Variants in KHDRBS3 observed in about 807,000 individuals in gnomAD.
KHDRBS3 encodes KH domain-containing, RNA-binding, signal transduction-associated protein 3.
In KHDRBS3, 23 loss-of-function variants were observed where a neutral mutation model predicts 45.6. The observed-to-expected ratio is 0.50, with a 90% CI of 0.36 to 0.72. The LOEUF is 0.72. Among genes scored for constraint, KHDRBS3 ranks in the 30% least tolerant of loss-of-function variants. KHDRBS3 has a pLI of 0.00. For synonymous variants in KHDRBS3, 162 were observed against 156.5 expected (o/e 1.04, Z -0.26); for missense variants, 352 against 424.8 (o/e 0.83, Z 1.51).
chr8:135,638,847 G>C (rs1830929453), intron 7 of KHDRBS3, among the ~76,000 whole-genome samples: 1 of 134,766 alleles, frequency 7.4e-6, no homozygotes, highest in South Asian at 2.8e-4. Flanking sequence ...GCTACTCCCA[G>C]CTACTCGGAC....
At chr8:135,524,024 T>TC (rs1278474662) in intron 2 of KHDRBS3, among the ~76,000 whole-genome samples, 2 of 137,410 alleles carry the variant, frequency 1.5e-5, no homozygotes, top group African/African-American at 6.8e-5. Context: ...ACTTATACTA[T>TC]TTTTTTTTTG....
At position 135,582,058 on chromosome 8, in the gene KHDRBS3, G is replaced by A; in HGVS notation, c.792G>A (p.Glu264=). ...YRPPPPPPTQ[E]TYGEYDYDDG... ...CTCCACCGCCACCCCCGACACAAGAGACTTATGGAGAATATGTAAGTGAAG... is the reference window on the plus strand; with the variant it reads ...CTCCACCGCCACCCCCGACACAAGAAACTTATGGAGAATATGTAAGTGAAG... Residue 264 remains glutamate, a synonymous_variant, in exon 6 of 9, where the codon GAG becomes GAA. Transcript: ENST00000355849. 3 of 1,560,852 alleles carry A rather than the reference G, an allele frequency of 1.9e-6. No homozygotes were observed. The highest frequency in any genetic ancestry group is 2.6e-6 in the Non-Finnish European group (3 of 1,148,724).
At chr8:135,645,929 T>C (rs941315409) in intron 8 of KHDRBS3, among the ~76,000 whole-genome samples, 4 of 151,632 alleles carry the variant, frequency 2.6e-5, no homozygotes, top group Non-Finnish European at 4.4e-5. Context: ...TTTTCCGGCG[T>C]TAAACCTTTT....
chr8:135,645,385 A>G (rs1831241638), intron 8 of KHDRBS3, among the ~76,000 whole-genome samples: 1 of 152,206 alleles, frequency 6.6e-6, no homozygotes, highest in Non-Finnish European at 1.5e-5. Context: ...ATTTTCTCAC[A>G]GAGTAGTTTT....
At position 135,579,255 on chromosome 8, in the gene KHDRBS3, G is replaced by A. The variant is rs114705647; in HGVS notation, c.612-2623G>A. On this transcript the variant is annotated intron_variant, in intron 5 of 8. Coordinates refer to ENST00000355849, the MANE Select transcript of KHDRBS3 (RefSeq NM_006558.3). Reference sequence around the variant, plus strand: ...GTGTTGAATAGTAGTTGTGAGAGTAGACATCCTTGCCTTGTTCCCAATCTT... The same window carrying A: ...GTGTTGAATAGTAGTTGTGAGAGTAAACATCCTTGCCTTGTTCCCAATCTT... Among the ~76,000 whole-genome samples the A allele has an allele frequency of 4.3e-3, 656 of 152,320 alleles. 1 individual carries two copies. The highest frequency in any genetic ancestry group is 0.015 in the African/African-American group (609 of 41,576).
At chr8:135,508,757 G>A (rs528720920) in intron 1 of KHDRBS3, among the ~76,000 whole-genome samples, 1 of 152,118 alleles carries the variant, frequency 6.6e-6, no homozygotes, top group Non-Finnish European at 1.5e-5. Flanking sequence ...TAAATGCATT[G>A]GGTTATATTA....
At chr8:135,606,653 C>T (rs569359624) in intron 6 of KHDRBS3, among the ~76,000 whole-genome samples, 1 of 151,906 alleles carries the variant, frequency 6.6e-6, no homozygotes, top group Non-Finnish European at 1.5e-5. Context: ...CTGTTCTTAC[C>T]AGGATTCAGC....
intron 1 of KHDRBS3, among the ~76,000 whole-genome samples, chr8:135,492,408 T>C: frequency 6.6e-6 from 1 of 151,982 alleles, no homozygotes; most frequent in Non-Finnish European, 1.5e-5. Context: ...ATGTAAGATA[T>C]ATTAAAGAAA....
chr8:135,530,427 C>T (rs889396401), intron 2 of KHDRBS3, among the ~76,000 whole-genome samples: 5 of 152,056 alleles, frequency 3.3e-5, no homozygotes, highest in African/African-American at 1.2e-4. Context: ...CTATAAATTT[C>T]CATTAAAAGA....
At chr8:135,513,139 G>T (rs1421547611) in intron 1 of KHDRBS3, among the ~76,000 whole-genome samples, 1 of 152,086 alleles carries the variant, frequency 6.6e-6, no homozygotes, top group Non-Finnish European at 1.5e-5. Flanking sequence ...GGCGGAGCTT[G>T]CAGTGAGCCG....
chr8:135,600,143 T>G (rs996736736), intron 6 of KHDRBS3, among the ~76,000 whole-genome samples: 1 of 152,188 alleles, frequency 6.6e-6, no homozygotes, highest in African/African-American at 2.4e-5. Flanking sequence ...GCTTAGGAAT[T>G]TGTTCTTTAT....
intron 4 of KHDRBS3, among the ~76,000 whole-genome samples, chr8:135,553,584 A>G (rs1208493218): frequency 6.6e-6 from 1 of 152,238 alleles, no homozygotes; most frequent in African/African-American, 2.4e-5. Context: ...ATCACAATAC[A>G]AACAGTGATC....
intron 7 of KHDRBS3, among the ~76,000 whole-genome samples, chr8:135,608,238 AAGTC>A (rs1255544526): frequency 6.6e-6 from 1 of 152,242 alleles, no homozygotes; most frequent in Non-Finnish European, 1.5e-5. Flanking sequence ...ATGAAATTCT[AAGTC>A]AGATATTCTA....
At chr8:135,505,791 T>C (rs1420931696) in intron 1 of KHDRBS3, among the ~76,000 whole-genome samples, 1 of 151,228 alleles carries the variant, frequency 6.6e-6, no homozygotes, top group Non-Finnish European at 1.5e-5. Flanking sequence ...AAATGGGTCC[T>C]GGCTTGCTGA....
intron 5 of KHDRBS3, among the ~76,000 whole-genome samples, chr8:135,570,850 A>T (rs983299477): frequency 1.3e-5 from 2 of 152,170 alleles, no homozygotes; most frequent in Non-Finnish European, 2.9e-5. Context: ...TACTGAAATC[A>T]GCCTTCAGTA....
intron 4 of KHDRBS3, among the ~76,000 whole-genome samples, chr8:135,552,639 A>T (rs554126994): frequency 6.6e-6 from 1 of 152,036 alleles, no homozygotes; most frequent in East Asian, 1.9e-4. Context: ...TTTGTTGCTG[A>T]GGTGTTTTTT....
Position 135,492,143 on chromosome 8 carries a change from ATTGT to A in KHDRBS3, c.89-29090_89-29087del, listed in dbSNP as rs1040202552. 4.6e-5 allele frequency among the ~76,000 whole-genome samples: 7 copies of A among 152,244 alleles called. No individual in the cohort carries two copies. In the East Asian group the frequency reaches 7.7e-4, roughly 17 times the overall value. On this transcript the variant is annotated intron_variant, in intron 1 of 8. Coordinates refer to ENST00000355849, the MANE Select transcript of KHDRBS3 (RefSeq NM_006558.3). Reference sequence around the variant, plus strand: ...GAAGGTATCAAATAGAATGCTGATAATTGTTTGGCAAAATTCAGGGATCCCTATG... The same window carrying A: ...GAAGGTATCAAATAGAATGCTGATAATTGGCAAAATTCAGGGATCCCTATG...
At chr8:135,471,776 A>G (rs1472891172) in intron 1 of KHDRBS3, among the ~76,000 whole-genome samples, 1 of 152,204 alleles carries the variant, frequency 6.6e-6, no homozygotes, top group Non-Finnish European at 1.5e-5. Flanking sequence ...TCTGGCTTAC[A>G]GTGTGCAGTG....
intron 6 of KHDRBS3, among the ~76,000 whole-genome samples, chr8:135,599,462 A>T (rs1160598258): frequency 6.6e-6 from 1 of 152,256 alleles, no homozygotes; most frequent in African/African-American, 2.4e-5. Context: ...AGTTCTTGTC[A>T]TCAAATTTTA....
Sources: gnomAD v4.1 joint callset for allele counts (sites outside exome capture counted in the v4.1 genomes callset) on GRCh38, gnomAD v4.1.1 for gene constraint, MANE v1.5 for transcripts, NCBI Gene and HGNC (gene_info 2026-07-23, HGNC 2026-07-21) for gene names.